DTNA: variants seen among roughly 807,000 people sequenced by gnomAD.
DTNA encodes dystrophin-related protein 3.
Under a neutral mutation model 100.7 loss-of-function variants are expected in DTNA, and 43 were observed. The observed-to-expected ratio is 0.43, with a 90% CI of 0.33 to 0.55. The LOEUF (loss-of-function observed/expected upper bound fraction) is 0.55. Ranked by LOEUF, DTNA falls within the 20% of genes least tolerant of loss-of-function variation. DTNA has a pLI of 0.04. For synonymous variants in DTNA, 349 were observed against 347.9 expected, an observed-to-expected ratio of 1.00 and a Z score of -0.04; for missense variants, 798 against 953.9, an observed-to-expected ratio of 0.84 and a Z score of 2.15.
intron 16 of DTNA, 50 bp from the exon 17 acceptor site, chr18:34,863,916 T>C (rs766539403): frequency 6.5e-7 from 1 of 1,538,350 alleles, no homozygotes; most frequent in Non-Finnish European, 8.9e-7. Context: ...GAAATGTGAT[T>C]AGCTCAGAGA....
chr18:34,505,606 C>T (rs943307768), intron 1 of DTNA, among the ~76,000 whole-genome samples: 1 of 152,104 alleles, frequency 6.6e-6, no homozygotes, highest in African/African-American at 2.4e-5. Context: ...TTCTGTCACT[C>T]ACATTCTGCT....
intron 1 of DTNA, among the ~76,000 whole-genome samples, chr18:34,747,856 G>C (rs2091848052): frequency 6.6e-6 from 1 of 152,080 alleles, no homozygotes; most frequent in South Asian, 2.1e-4. Context: ...TCAAATGGTA[G>C]TTCTACTTTT....
rs1036105895 is a variant in DTNA, at chr18:34,890,055, C to T, written c.*2321C>T. On this transcript the variant is annotated 3_prime_UTR_variant, in exon 23 of 23. Transcript: ENST00000444659. ...TTGAACTCAGAACTTAAATCCTGCA[C>T]GTGGCACTCCACCACTGACTGGACC... The T allele has an allele frequency of 7.5e-6, 10 of 1,327,088 alleles. No individual in the cohort carries two copies. The East Asian group carries it at 8.8e-5, about 12-fold the overall frequency. 82.2% of individuals were successfully genotyped at this position (1,327,088 alleles called of 1,614,324 possible).
At chr18:34,605,063 CA>C (rs2052731415) in intron 1 of DTNA, among the ~76,000 whole-genome samples, 1 of 148,432 alleles carries the variant, frequency 6.7e-6, no homozygotes, top group African/African-American at 2.5e-5. Flanking sequence ...CATTATTTTA[CA>C]AAATGGAAAA....
At chr18:34,795,560 G>A (rs2094933984) in intron 4 of DTNA, among the ~76,000 whole-genome samples, 2 of 152,172 alleles carry the variant, frequency 1.3e-5, no homozygotes, top group South Asian at 2.1e-4. Context: ...ATGGAACCTG[G>A]CCATGGCATT....
intron 3 of DTNA, among the ~76,000 whole-genome samples, chr18:34,791,265 C>T (rs1437096097): frequency 6.6e-6 from 1 of 152,146 alleles, no homozygotes; most frequent in Non-Finnish European, 1.5e-5. Context: ...ACCCATCTCC[C>T]TCCCATGCTC....
chr18:34,675,563 AAAG>A (rs1183873922), intron 1 of DTNA, among the ~76,000 whole-genome samples: 1 of 152,176 alleles, frequency 6.6e-6, no homozygotes, highest in Non-Finnish European at 1.5e-5. Flanking sequence ...TTTATAAGAA[AAAG>A]AAGACAAATT....
chr18:34,555,469 G>T (rs909178972), intron 1 of DTNA, among the ~76,000 whole-genome samples: 1 of 151,840 alleles, frequency 6.6e-6, no homozygotes, highest in Non-Finnish European at 1.5e-5. Context: ...TGTGATGTTA[G>T]GGTGTCAATT....
chr18:34,618,946 C>T (rs1464849666), intron 1 of DTNA, among the ~76,000 whole-genome samples: 1 of 151,804 alleles, frequency 6.6e-6, no homozygotes, highest in African/African-American at 2.4e-5. Context: ...ATGACAGATA[C>T]AATAGAAGCC....
rs961257793 is a variant in DTNA, at chr18:34,568,687, G to A, written c.-2+75173G>A. 8.5e-5 allele frequency among the ~76,000 whole-genome samples: 13 copies of A among 152,148 alleles called. No homozygotes were observed. The East Asian group carries it at 9.7e-4, about 11-fold the overall frequency. ...CACCCAAGCCGGAGTGCAGTGGCAC[G>A]ATCTTGGCTCATTGCAACCTCTGCC... On this transcript the variant is annotated intron_variant, in intron 1 of 19. Transcript: ENST00000283365.
intron 1 of DTNA, among the ~76,000 whole-genome samples, chr18:34,696,284 G>C (rs2080518572): frequency 6.6e-6 from 1 of 151,996 alleles, no homozygotes; most frequent in African/African-American, 2.4e-5. Flanking sequence ...GTTTTTAAGG[G>C]GAAAAAAAGA....
At chr18:34,543,715 A>G (rs554623303) in intron 1 of DTNA, among the ~76,000 whole-genome samples, 6 of 152,160 alleles carry the variant, frequency 3.9e-5, no homozygotes, top group Non-Finnish European at 8.8e-5. Context: ...GGGTTTAAAA[A>G]TTGTGGACAG....
chr18:34,645,821 ACT>A (rs35711689), intron 1 of DTNA, among the ~76,000 whole-genome samples: 10,246 of 152,158 alleles, frequency 0.067, 1,054 homozygotes, highest in African/African-American at 0.23. Flanking sequence ...CATATTTTCC[ACT>A]CTTTAACTCG....
intron 1 of DTNA, among the ~76,000 whole-genome samples, chr18:34,606,416 G>A (rs1471153595): frequency 6.6e-6 from 1 of 152,132 alleles, no homozygotes; most frequent in Non-Finnish European, 1.5e-5. Context: ...AACTAGCAAT[G>A]TGTCTATTTT....
intron 1 of DTNA, among the ~76,000 whole-genome samples, chr18:34,753,906 T>G (rs2092587064): frequency 6.6e-6 from 1 of 152,228 alleles, no homozygotes. Flanking sequence ...AGGGAGTGTT[T>G]TTTTCTAGAT....
At chr18:34,653,690 G>A (rs888398627) in intron 1 of DTNA, among the ~76,000 whole-genome samples, 1 of 152,018 alleles carries the variant, frequency 6.6e-6, no homozygotes, top group African/African-American at 2.4e-5. Flanking sequence ...GGGTGTGGTG[G>A]CACACACTTG....
chr18:34,493,396 CCAA>C (rs1205933546), exon 1 of DTNA: 3 of 152,522 alleles, frequency 2.0e-5, no homozygotes, highest in African/African-American at 7.2e-5. Context: ...CCCGGCACTT[CCAA>C]CATTATTAAA....
intron 1 of DTNA, among the ~76,000 whole-genome samples, chr18:34,637,738 G>C (rs1192823389): frequency 6.6e-6 from 1 of 152,168 alleles, no homozygotes; most frequent in Non-Finnish European, 1.5e-5. Flanking sequence ...CCCCAAAGCA[G>C]TTTATTAAAT....
At chr18:34,524,268 A>G (rs749497462) in intron 1 of DTNA, among the ~76,000 whole-genome samples, 2 of 152,204 alleles carry the variant, frequency 1.3e-5, no homozygotes, top group African/African-American at 4.8e-5. Flanking sequence ...ATGAAAATAT[A>G]ATTGTAAAAA....
Sources: allele counts gnomAD v4.1 joint callset (sites outside exome capture counted in the v4.1 genomes callset), GRCh38; gene constraint gnomAD v4.1.1; transcripts MANE v1.5; gene names NCBI Gene and HGNC (gene_info 2026-07-23, HGNC 2026-07-21).